Variants in RAB44 observed in about 807,000 individuals in gnomAD.
RAB44 encodes ras-related protein Rab-44.
Under a neutral mutation model 93.3 loss-of-function variants are expected in RAB44, and 67 were observed. The observed-to-expected ratio is 0.72, with a 90% CI of 0.59 to 0.88. The LOEUF is 0.88. Ranked by LOEUF, RAB44 falls within the 40% of genes least tolerant of loss-of-function variation. The pLI, the probability that RAB44 is intolerant of heterozygous loss-of-function variation, is 0.00. For synonymous variants in RAB44, 427 were observed against 520.3 expected (o/e 0.82, Z 2.44); for missense variants, 1,064 against 1,261.7 (o/e 0.84, Z 2.37).
intron 3 of RAB44, among the ~76,000 whole-genome samples, chr6:36,714,719 G>A (rs1762872134): frequency 6.6e-6 from 1 of 152,232 alleles, no homozygotes; most frequent in African/African-American, 2.4e-5. Context: ...GCAGCCTTGG[G>A]GCCGTCTTCA....
intron 9 of RAB44, among the ~76,000 whole-genome samples, chr6:36,724,079 A>G (rs1253513618): frequency 1.3e-5 from 2 of 152,034 alleles, no homozygotes; most frequent in African/African-American, 4.8e-5. Flanking sequence ...GAGGAAACCT[A>G]TAGCAGGCTG....
intron 10 of RAB44, among the ~76,000 whole-genome samples, chr6:36,727,201 T>G (rs748851553): frequency 6.6e-6 from 1 of 152,220 alleles, no homozygotes; most frequent in Non-Finnish European, 1.5e-5. Context: ...ACTGTATTTG[T>G]ATAAAATAGA....
intron 5 of RAB44, 26 bp from the exon 6 acceptor site, chr6:36,718,002 C>A (rs1762966803): frequency 1.6e-6 from 2 of 1,229,422 alleles, no homozygotes; most frequent in South Asian, 4.1e-5. Context: ...GATGGGCTGC[C>A]TGGCCCCAAC....
At chr6:36,718,429 G>A (rs991805889) in intron 6 of RAB44, 64 bp from the exon 7 acceptor site, 2 of 882,670 alleles carry the variant, frequency 2.3e-6, no homozygotes, top group Non-Finnish European at 3.0e-6. Context: ...GTGTGAGAAG[G>A]GCTGGCCTGC....
chr6:36,722,708 C>G lies in RAB44; in HGVS notation c.2574C>G (p.Phe858Leu). The G allele has an allele frequency of 6.4e-7, 1 of 1,550,632 alleles. No individual in the cohort carries two copies. Among genetic ancestry groups the G allele is most frequent in the Non-Finnish European group, 8.7e-7 (1 of 1,147,002 alleles). ...TGCACCTGCTGCACCAGAATTCTTTCGCCACCGGATTGACAGCTACCGTGG... is the reference window on the plus strand; with the variant it reads ...TGCACCTGCTGCACCAGAATTCTTTGGCCACCGGATTGACAGCTACCGTGG... ...SFLHLLHQNS[F>L]ATGLTATVGV... is the part of the protein sequence containing the mutation. Residue 858 changes from phenylalanine to leucine, a missense_variant, in exon 9 of 14, where the codon TTC (phenylalanine) becomes TTG (leucine). Transcript: ENST00000612677.
intron 11 of RAB44, among the ~76,000 whole-genome samples, chr6:36,727,969 G>A (rs2150341925): frequency 6.6e-6 from 1 of 152,280 alleles, no homozygotes; most frequent in Non-Finnish European, 1.5e-5. Flanking sequence ...TCTTACACTT[G>A]AGGCTAATGT....
chr6:36,729,967 C>T (rs1031965201), intron 12 of RAB44, among the ~76,000 whole-genome samples: 1 of 152,144 alleles, frequency 6.6e-6, no homozygotes, highest in Admixed American at 6.5e-5. Context: ...AAACATTTGG[C>T]AGCAATTGGT....
chr6:36,715,345 T>C (rs1762888575), intron 3 of RAB44, 134 bp from the exon 4 acceptor site: 1 of 773,278 alleles, frequency 1.3e-6, no homozygotes, highest in South Asian at 1.9e-5. Context: ...GAGAAATATG[T>C]GAATGTAGCC....
At chr6:36,707,516 T>C (rs897849392) in intron 2 of RAB44, among the ~76,000 whole-genome samples, 8 of 152,202 alleles carry the variant, frequency 5.3e-5, no homozygotes, top group African/African-American at 1.9e-4. Flanking sequence ...CCTTTGGCTG[T>C]TCAATCAACA....
intron 1 of RAB44, among the ~76,000 whole-genome samples, chr6:36,700,049 T>C (rs1021497025): frequency 6.6e-6 from 1 of 151,796 alleles, no homozygotes; most frequent in African/African-American, 2.4e-5. Flanking sequence ...AGAAGGAAAA[T>C]TTACAACAAA....
chr6:36,720,242 A>G lies in RAB44; in HGVS notation c.829-121A>G, dbSNP rs1005897863. 51 of 818,112 alleles carry G rather than the reference A, an allele frequency of 6.2e-5. No homozygotes were observed. In the African/African-American group the frequency reaches 9.1e-4, roughly 15 times the overall value. 50.7% of individuals were successfully genotyped at this position (818,112 alleles called of 1,614,324 possible). On this transcript the variant is annotated intron_variant, in intron 7 of 13. Coordinates refer to ENST00000612677, the MANE Select transcript of RAB44 (RefSeq NM_001257357.2). ...TAACCGCCCACCACTACTCTGATTTAAGCTGGGTCTCCAGGAGCCTGGACA... is the reference window on the plus strand; with the variant it reads ...TAACCGCCCACCACTACTCTGATTTGAGCTGGGTCTCCAGGAGCCTGGACA...
intron 2 of RAB44, among the ~76,000 whole-genome samples, chr6:36,712,019 C>G (rs1356090589): frequency 1.3e-5 from 2 of 152,162 alleles, no homozygotes; most frequent in Admixed American, 6.5e-5. Context: ...GTAAACACAG[C>G]AGGCTGGGCG....
Position 36,722,283 on chromosome 6 carries a change from C to A in RAB44, c.2149C>A (p.Leu717Ile). Residue 717 changes from leucine (L) to isoleucine (I), a missense_variant, in exon 9 of 14, where the codon CTT becomes ATT. Physicochemically the swap from Leu to Ile is conservative, Grantham distance 5. Coordinates refer to ENST00000612677, the MANE Select transcript of RAB44 (RefSeq NM_001257357.2). ...HSELPQQDSL[L>I]VSLPSATPQA... ...GGAACTCCCCCAGCAAGACTCTCTG[C>A]TTGTTTCTCTCCCATCTGCCACACC... 1 of 1,300,564 alleles carries A rather than the reference C, an allele frequency of 7.7e-7. No individual in the cohort carries two copies. Among genetic ancestry groups the A allele is most frequent in the East Asian group, 2.9e-5 (1 of 34,940 alleles). 80.6% of individuals were successfully genotyped at this position (1,300,564 alleles called of 1,614,324 possible). A position where few individuals can be genotyped will look rare whatever the true frequency, so the allele number is the denominator to read the frequency against.
intron 6 of RAB44, 37 bp downstream of exon 6, chr6:36,718,155 C>G: frequency 1.7e-5 from 20 of 1,199,420 alleles, no homozygotes; most frequent in Non-Finnish European, 1.8e-5. Context: ...CTTCCCACTG[C>G]CCGGGACACC....
chr6:36,729,534 G>A (rs1763313499), intron 12 of RAB44, among the ~76,000 whole-genome samples: 1 of 149,820 alleles, frequency 6.7e-6, no homozygotes, highest in Non-Finnish European at 1.5e-5. Context: ...CCAGGCTGGA[G>A]TGCAGTGGCA....
intron 9 of RAB44, among the ~76,000 whole-genome samples, chr6:36,725,316 C>T (rs1763209683): frequency 6.6e-6 from 1 of 152,244 alleles, no homozygotes; most frequent in Non-Finnish European, 1.5e-5. Context: ...GCTGGGATTA[C>T]AGGCATGTGT....
chr6:36,726,050 A>C, intron 10 of RAB44, 107 bp downstream of exon 10: 2 of 810,998 alleles, frequency 2.5e-6, no homozygotes, highest in East Asian at 5.5e-5. Context: ...CTGCCCCCCA[A>C]GGATTCAGGA....
intron 6 of RAB44, 82 bp from the exon 7 acceptor site, chr6:36,718,411 G>A (rs1762981560): frequency 2.9e-6 from 2 of 688,644 alleles, no homozygotes; most frequent in Non-Finnish European, 4.1e-6. Flanking sequence ...CCAGGTGGTG[G>A]AGGTGGAGTG....
intron 2 of RAB44, among the ~76,000 whole-genome samples, chr6:36,711,661 C>T: frequency 6.6e-6 from 1 of 152,166 alleles, no homozygotes. Flanking sequence ...ATAAACCAAT[C>T]AACACAGAAC....
Sources: gnomAD v4.1 joint callset for allele counts (sites outside exome capture counted in the v4.1 genomes callset) on GRCh38, gnomAD v4.1.1 for gene constraint, MANE v1.5 for transcripts, NCBI Gene and HGNC (gene_info 2026-07-23, HGNC 2026-07-21) for gene names.